Variants in WNK2 observed in about 807,000 individuals in gnomAD.
WNK2 encodes the protein serine/threonine-protein kinase WNK2.
WNK2 carries 67 observed loss-of-function variants against 192.1 expected under a neutral mutation model. The observed-to-expected ratio is 0.35, with a 90% CI of 0.29 to 0.43. The LOEUF (loss-of-function observed/expected upper bound fraction) is 0.43, where lower values mean the gene tolerates loss of function less well. WNK2 is among the 20% of genes least tolerant of loss of function. WNK2 has a pLI of 1.00. For synonymous variants in WNK2, 1,439 were observed against 1,393.9 expected (o/e 1.03, Z -0.72); for missense variants, 2,698 against 3,089.7 (o/e 0.87, Z 3.01).
At chr9:93,271,435 G>A (rs756502813) in intron 19 of WNK2, among the ~76,000 whole-genome samples, 35 of 152,324 alleles carry the variant, frequency 2.3e-4, no homozygotes, top group Admixed American at 7.2e-4. Context: ...GTGACAAGAC[G>A]ATGTAGATTT....
At chr9:93,206,059 C>T (rs565636434) in intron 2 of WNK2, among the ~76,000 whole-genome samples, 5 of 152,278 alleles carry the variant, frequency 3.3e-5, no homozygotes, top group South Asian at 2.1e-4. Flanking sequence ...ATGGGATCCT[C>T]CTGCCCACGG....
intron 2 of WNK2, among the ~76,000 whole-genome samples, chr9:93,227,454 G>A (rs1838018851): frequency 6.6e-6 from 1 of 151,484 alleles, no homozygotes; most frequent in Non-Finnish European, 1.5e-5. Context: ...GGTATGGGAT[G>A]TATCTCAGTG....
Position 93,267,860 on chromosome 9 carries a change from T to C in WNK2, c.3811T>C (p.Ser1271Pro). 6.2e-7 allele frequency: 1 copy of C among 1,611,008 alleles called. No individual in the cohort carries two copies. The highest frequency in any genetic ancestry group is 8.5e-7 in the Non-Finnish European group (1 of 1,178,870). Residue 1271 changes from serine to proline, a missense_variant, in exon 17 of 30, where the codon TCC becomes CCC. By Grantham distance (74) the Ser-to-Pro change is moderately conservative. Coordinates refer to ENST00000427277, the MANE Select transcript of WNK2 (RefSeq NM_006648.4). ...LSEDTDADRG[S>P]DPGTSPPHLS... ...CGAGGACACAGACGCCGACCGTGGC[T>C]CCGACCCAGGGACCAGCCCGCCACA...
chr9:93,250,368 CAT>C (rs776598722), intron 8 of WNK2, among the ~76,000 whole-genome samples: 8 of 152,256 alleles, frequency 5.3e-5, no homozygotes, highest in Non-Finnish European at 1.2e-4. Flanking sequence ...TACATGCACA[CAT>C]GTCTGCATTC....
At chr9:93,303,212 A>G (rs1257281043) in intron 26 of WNK2, among the ~76,000 whole-genome samples, 2 of 152,032 alleles carry the variant, frequency 1.3e-5, no homozygotes, top group East Asian at 3.9e-4. Flanking sequence ...GAGCCACCAC[A>G]CCTGGCCCAG....
At chr9:93,279,485 A>G (rs1407757394) in intron 19 of WNK2, among the ~76,000 whole-genome samples, 1 of 152,230 alleles carries the variant, frequency 6.6e-6, no homozygotes, top group Non-Finnish European at 1.5e-5. Context: ...CAGTATTGTT[A>G]CAGTGCTAAT....
chr9:93,290,573 ACGTCACAGCTC>A (rs1258079227), intron 21 of WNK2, among the ~76,000 whole-genome samples: 1 of 152,218 alleles, frequency 6.6e-6, no homozygotes, highest in African/African-American at 2.4e-5. Context: ...TTGCAGGGAC[ACGTCACAGCTC>A]CTGGACTCTC....
Position 93,262,727 on chromosome 9 carries a change from G to A in WNK2, c.3410+8G>A, listed in dbSNP as rs758635672. 3 of 1,611,912 alleles carry A rather than the reference G, an allele frequency of 1.9e-6. No individual in the cohort carries two copies. Among genetic ancestry groups the A allele is most frequent in the Non-Finnish European group, 1.7e-6 (2 of 1,179,854 alleles). ...CCCGCAGAGCTGTGAGAGGTAGTGT[G>A]GCCCAGCCTCGACCTCGCAGGACGG... On this transcript the variant is annotated splice_region_variant and intron_variant, in intron 14 of 29. Coordinates refer to ENST00000427277, the MANE Select transcript of WNK2 (RefSeq NM_006648.4).
At chr9:93,191,599 G>A (rs1830339420) in intron 2 of WNK2, among the ~76,000 whole-genome samples, 1 of 152,070 alleles carries the variant, frequency 6.6e-6, no homozygotes, top group Admixed American at 6.6e-5. Flanking sequence ...CCAGCAGGGA[G>A]GTGACTGCCA....
chr9:93,296,893 T>C (rs1850635219), intron 23 of WNK2, among the ~76,000 whole-genome samples: 1 of 79,542 alleles, frequency 1.3e-5, no homozygotes, highest in Non-Finnish European at 2.5e-5. Context: ...CTCCGCATCC[T>C]CCCTTCAGCC....
chr9:93,256,259 C>T (rs761393026), intron 9 of WNK2, 40 bp from the exon 10 acceptor site: 12 of 1,452,894 alleles, frequency 8.3e-6, no homozygotes, highest in South Asian at 1.4e-5. Flanking sequence ...GCCTGGTGGC[C>T]GAGAGCTGCT....
At chr9:93,298,788 G>A (rs1257893042) in intron 24 of WNK2, among the ~76,000 whole-genome samples, 1 of 152,228 alleles carries the variant, frequency 6.6e-6, no homozygotes, top group Non-Finnish European at 1.5e-5. Flanking sequence ...GGAAGACTGA[G>A]ATGAGAAGTA....
At chr9:93,298,950 G>T (rs1207366430) in intron 24 of WNK2, 120 bp from the exon 25 acceptor site, 3 of 1,045,616 alleles carry the variant, frequency 2.9e-6, no homozygotes, top group Non-Finnish European at 4.1e-6. Context: ...CCTGTGGTCT[G>T]CAGGAGACGT....
intron 19 of WNK2, among the ~76,000 whole-genome samples, chr9:93,287,936 C>T (rs1462276428): frequency 6.6e-6 from 1 of 151,980 alleles, no homozygotes; most frequent in Admixed American, 6.6e-5. Flanking sequence ...GTCCGAGCTA[C>T]AAGGAAGGCT....
Position 93,185,097 on chromosome 9 carries a change from C to T in WNK2, c.168C>T (p.Gly56=), listed in dbSNP as rs1438462716. The T allele has an allele frequency of 2.3e-5, 30 of 1,316,148 alleles. No homozygotes were observed. The highest frequency in any genetic ancestry group is 3.4e-5 in the East Asian group (1 of 29,362). The allele number at this position is 1,316,148 out of a possible 1,614,324, so 81.5% of individuals were successfully genotyped here. Residue 56 remains glycine (G), a synonymous_variant, in exon 2 of 30, where the codon GGC becomes GGT. Coordinates refer to ENST00000427277, the MANE Select transcript of WNK2 (RefSeq NM_006648.4). Reference sequence around the variant, plus strand: ...AGTCGGACCAGGAGGAGCCGCCGGGCTTGGAGGCAGCCGAGGCGCCGGGCC... The same window carrying T: ...AGTCGGACCAGGAGGAGCCGCCGGGTTTGGAGGCAGCCGAGGCGCCGGGCC... ...VVESDQEEPP[G]LEAAEAPGPQ...
chr9:93,264,724 A>G (rs536404985), intron 16 of WNK2, among the ~76,000 whole-genome samples: 2 of 152,158 alleles, frequency 1.3e-5, no homozygotes, highest in Non-Finnish European at 2.9e-5. Flanking sequence ...TCCCCAGACC[A>G]TTATTCCTGC....
rs953222630 is a variant in WNK2 at position 93,317,781 on chromosome 9, C to A, written c.6628+150C>A. On this transcript the variant is annotated intron_variant, in intron 29 of 29. Coordinates refer to ENST00000427277, the MANE Select transcript of WNK2 (RefSeq NM_006648.4). ...GGGCAGCTGGAACACCCCCCAGGTGCCCGTGCTGCCAGTCTTCTTGCAGCC... is the reference window on the plus strand; with the variant it reads ...GGGCAGCTGGAACACCCCCCAGGTGACCGTGCTGCCAGTCTTCTTGCAGCC... 5.5e-6 allele frequency: 8 copies of A among 1,467,452 alleles called. No individual in the cohort carries two copies. The Admixed American group carries it at 1.6e-4, about 29-fold the overall frequency. 90.9% of individuals were successfully genotyped at this position (1,467,452 alleles called of 1,614,324 possible). A position where few individuals can be genotyped will look rare whatever the true frequency, so the allele number is the denominator to read the frequency against.
At chr9:93,209,253 G>A (rs147035098) in intron 2 of WNK2, among the ~76,000 whole-genome samples, 1,810 of 152,220 alleles carry the variant, frequency 0.012, 18 homozygotes, top group Middle Eastern at 0.02. Flanking sequence ...GGGGCTGTAC[G>A]CCACAGGACA....
At chr9:93,254,136 C>T (rs1422674605) in intron 9 of WNK2, among the ~76,000 whole-genome samples, 4 of 152,108 alleles carry the variant, frequency 2.6e-5, no homozygotes, top group African/African-American at 9.7e-5. Context: ...AGCCTGGTCT[C>T]GAACTCCGGA....
Sources: allele counts gnomAD v4.1 joint callset (sites outside exome capture counted in the v4.1 genomes callset), GRCh38; gene constraint gnomAD v4.1.1; transcripts MANE v1.5; gene names NCBI Gene and HGNC (gene_info 2026-07-23, HGNC 2026-07-21).